The following STK3 variants were observed in gnomAD, a reference collection of about 807,000 sequenced individuals.
STK3 encodes the protein serine/threonine kinase 3.
A neutral mutation model predicts 58.0 loss-of-function variants in STK3; 41 were observed. That is an observed-to-expected ratio of 0.71 (90% CI 0.55 to 0.92). The LOEUF (loss-of-function observed/expected upper bound fraction) is 0.92, where lower values mean the gene tolerates loss of function less well. Among genes scored for constraint, STK3 ranks in the 40% least tolerant of loss-of-function variants. STK3 has a pLI of 0.00. For synonymous variants in STK3, 170 were observed against 191.0 expected (o/e 0.89, Z 0.91); for missense variants, 479 against 602.7 (o/e 0.79, Z 2.15).
At chr8:98,453,048 A>G (rs1198520346), downstream of STK3, among the ~76,000 whole-genome samples, 2 of 101,200 alleles carry the variant, frequency 2.0e-5, no homozygotes, top group East Asian at 6.2e-4. Flanking sequence ...GGCATGAGCC[A>G]CCAAGCCTGG....
intron 6 of STK3, among the ~76,000 whole-genome samples, chr8:98,698,193 T>C (rs2131006596): frequency 1.3e-5 from 2 of 151,724 alleles, no homozygotes; most frequent in East Asian, 3.9e-4. Flanking sequence ...AACCCCTGCC[T>C]TTTTTTGTTT....
At chr8:98,347,112 TA>T in the STK3 span, among the ~76,000 whole-genome samples, 1 of 151,836 alleles carries the variant, frequency 6.6e-6, no homozygotes, top group South Asian at 2.1e-4. Context: ...AGGTAGAATG[TA>T]AAATGTTAGA....
chr8:98,870,168 A>G (rs1425465446), intron 3 of STK3, among the ~76,000 whole-genome samples: 2 of 152,230 alleles, frequency 1.3e-5, no homozygotes, highest in African/African-American at 4.8e-5. Context: ...TACAAAGGAC[A>G]TGAACTCATC....
At chr8:98,674,430 T>A (rs999531135) in intron 6 of STK3, among the ~76,000 whole-genome samples, 1 of 152,104 alleles carries the variant, frequency 6.6e-6, no homozygotes, top group African/African-American at 2.4e-5. Flanking sequence ...AAAATGGAAT[T>A]TAGAACTGGA....
At chr8:98,580,176 A>T (rs1813753268) in intron 7 of STK3, among the ~76,000 whole-genome samples, 1 of 152,222 alleles carries the variant, frequency 6.6e-6, no homozygotes, top group African/African-American at 2.4e-5. Context: ...AATTTAATTA[A>T]TCTTAATAAG....
intron 1 of STK3, among the ~76,000 whole-genome samples, chr8:98,915,653 G>A (rs940581498): frequency 1.3e-5 from 2 of 151,680 alleles, no homozygotes; most frequent in African/African-American, 4.9e-5. Flanking sequence ...ATTGATATGT[G>A]TGTGTGTGTG....
At chr8:98,509,307 A>G (rs1205831120) in intron 10 of STK3, among the ~76,000 whole-genome samples, 1 of 152,030 alleles carries the variant, frequency 6.6e-6, no homozygotes, top group African/African-American at 2.4e-5. Flanking sequence ...CAGAAATTAC[A>G]CTTATAATTT....
chr8:98,903,556 C>CTTT (rs200556218), intron 1 of STK3, among the ~76,000 whole-genome samples: 13 of 50,498 alleles, frequency 2.6e-4, no homozygotes, highest in Admixed American at 7.7e-4. Flanking sequence ...TCTTCTTCTT[C>CTTT]CTTTTTTTTT....
intron 3 of STK3, among the ~76,000 whole-genome samples, chr8:98,849,077 T>C (rs1264170180): frequency 6.6e-6 from 1 of 151,770 alleles, no homozygotes; most frequent in Non-Finnish European, 1.5e-5. Context: ...ATACAAAAAA[T>C]TAGCTGGGCG....
chr8:98,598,628 G>T, intron 6 of STK3: 2 of 985,170 alleles, frequency 2.0e-6, no homozygotes, highest in Non-Finnish European at 2.4e-6. Flanking sequence ...TAGGTATTAG[G>T]CCCCTTCTAT....
In STK3 at chr8:98,589,125, G is replaced by C. The variant is rs552004544; in HGVS notation, c.822+6907C>G. On this transcript the variant is annotated intron_variant, in intron 7 of 10. Transcript: ENST00000419617. ...TCAAAGTCATTCTCCATCCAGCTTT[G>C]TTCCGTTGCTGGTGAGGAACTGCAT... is the stretch of plus-strand genomic sequence containing the variant. Among the ~76,000 whole-genome samples, 4 of 152,294 alleles carry C rather than the reference G, an allele frequency of 2.6e-5. No individual in the cohort carries two copies. In the South Asian group the frequency reaches 8.3e-4, roughly 32 times the overall value.
intron 1 of STK3, among the ~76,000 whole-genome samples, chr8:98,383,674 C>T (rs994223077): frequency 1.3e-5 from 2 of 152,152 alleles, no homozygotes; most frequent in African/African-American, 2.4e-5. Context: ...CAGATATAGC[C>T]CATAAGCCAG....
intron 1 of STK3, among the ~76,000 whole-genome samples, chr8:98,901,275 G>A (rs1187585791): frequency 6.6e-6 from 1 of 152,232 alleles, no homozygotes; most frequent in African/African-American, 2.4e-5. Context: ...AAGATTAAGT[G>A]AGGTAACACT....
rs1833440898 is a variant in STK3, at chr8:98,800,256, G to C, written c.26+25259C>G. ...TAACAACTTCTACCGAGGACCCCTGGACCGACCTGCTGGCACTTTCAATGG... is the reference window on the plus strand; with the variant it reads ...TAACAACTTCTACCGAGGACCCCTGCACCGACCTGCTGGCACTTTCAATGG... On this transcript the variant is annotated intron_variant, in intron 1 of 10. Transcript: ENST00000419617. This position sits in a 1 kb window ranked among gnomAD's most constrained non-coding sequence, Gnocchi z 4.8. Among the ~76,000 whole-genome samples the C allele has an allele frequency of 6.6e-6, 1 of 152,160 alleles. No individual in the cohort carries two copies. The highest frequency in any genetic ancestry group is 6.5e-5 in the Admixed American group (1 of 15,280).
chr8:98,665,188 A>G (rs1822244527), intron 6 of STK3, among the ~76,000 whole-genome samples: 2 of 152,326 alleles, frequency 1.3e-5, no homozygotes, highest in Admixed American at 1.3e-4. Flanking sequence ...AAGGTATTAC[A>G]TCTTTTTTAC....
At chr8:98,789,566 G>A (rs1036824700) in intron 1 of STK3, among the ~76,000 whole-genome samples, 5 of 152,006 alleles carry the variant, frequency 3.3e-5, no homozygotes, top group Admixed American at 6.6e-5. Flanking sequence ...GAACCGAAAA[G>A]GGAGATATTA....
intron 1 of STK3, among the ~76,000 whole-genome samples, chr8:98,923,854 T>TGTGTGCGCGCGCGC (rs1491486943): frequency 1.8e-5 from 2 of 113,620 alleles, no homozygotes; most frequent in African/African-American, 3.4e-5. Context: ...TGTGTGTGTG[T>TGTGTGCGCGCGCGC]GCGCGCGCGC....
At chr8:98,402,862 C>T (rs1817957486) in intron 3 of STK3, among the ~76,000 whole-genome samples, 1 of 152,188 alleles carries the variant, frequency 6.6e-6, no homozygotes, top group African/African-American at 2.4e-5. Context: ...CCCCAGGGGA[C>T]TAGCATCTTC....
chr8:98,436,532 C>G (rs191734484), intron 2 of STK3: 2 of 152,322 alleles, frequency 1.3e-5, no homozygotes. Flanking sequence ...TTGAATCCTC[C>G]CAATGTATGT....
Sources: gnomAD v4.1 joint callset for allele counts (sites outside exome capture counted in the v4.1 genomes callset) on GRCh38, gnomAD v4.1.1 for gene constraint, Gnocchi (gnomAD v3.1) non-coding constraint, MANE v1.5 for transcripts, NCBI Gene and HGNC (gene_info 2026-07-23, HGNC 2026-07-21) for gene names.